RECK: variants seen among roughly 807,000 people sequenced by gnomAD.
RECK encodes reversion inducing cysteine rich protein with kazal motifs.
Under a neutral mutation model 115.1 loss-of-function variants are expected in RECK, and 69 were observed. The ratio of observed to expected loss-of-function variants is 0.60; its 90% CI spans 0.49 to 0.73. RECK has a LOEUF of 0.73. Among genes scored for constraint, RECK ranks in the 30% least tolerant of loss-of-function variants. The pLI is 0.00. For synonymous variants in RECK, 414 were observed against 419.7 expected (o/e 0.99, Z 0.17); for missense variants, 1,047 against 1,203.7 (o/e 0.87, Z 1.93).
intron 17 of RECK, among the ~76,000 whole-genome samples, chr9:36,117,665 A>G (rs1824312281): frequency 6.6e-6 from 1 of 152,190 alleles, no homozygotes; most frequent in African/African-American, 2.4e-5. Context: ...TTGTAGGTTT[A>G]TGGAATCTGC....
At chr9:36,039,371 A>T (rs1043024501) in intron 1 of RECK, among the ~76,000 whole-genome samples, 1 of 152,236 alleles carries the variant, frequency 6.6e-6, no homozygotes, top group African/African-American at 2.4e-5. Context: ...ATTTCAGTGA[A>T]GGCTTTGCTT....
intron 3 of RECK, among the ~76,000 whole-genome samples, chr9:36,059,293 T>C (rs1340199028): frequency 6.6e-6 from 1 of 151,898 alleles, no homozygotes; most frequent in Non-Finnish European, 1.5e-5. Context: ...CCGTCTCTAC[T>C]AAAAATACAA....
intron 7 of RECK, among the ~76,000 whole-genome samples, chr9:36,082,152 T>TCTCTCTCTCTCTC (rs1822728438): frequency 2.6e-5 from 3 of 113,712 alleles, no homozygotes; most frequent in Non-Finnish European, 3.6e-5. Context: ...CCTCCCTGCT[T>TCTCTCTCTCTCTC]TCTCTCTCTC....
chr9:36,060,546 G>A (rs1401903559), intron 4 of RECK, among the ~76,000 whole-genome samples: 2 of 151,988 alleles, frequency 1.3e-5, no homozygotes, highest in African/African-American at 4.8e-5. Flanking sequence ...CTAGATCTTC[G>A]GGCTCTTTCT....
intron 10 of RECK, among the ~76,000 whole-genome samples, chr9:36,093,297 C>A (rs1017534783): frequency 2.6e-5 from 4 of 151,944 alleles, no homozygotes; most frequent in African/African-American, 9.7e-5. Context: ...ATTATACAAT[C>A]AAAAATTACT....
At chr9:36,096,329 G>C (rs1367770855) in intron 10 of RECK, among the ~76,000 whole-genome samples, 1 of 151,916 alleles carries the variant, frequency 6.6e-6, no homozygotes, top group Non-Finnish European at 1.5e-5. Context: ...CTGACGTCAA[G>C]AGTTCAAGAC....
In RECK at chr9:36,058,886, T is replaced by C; in HGVS notation, c.219T>C (p.Tyr73=). ...LKHLLQRAPD[Y]CPETMVEIWN... ...ATCTGTTGCAGCGAGCCCCAGATTA[T>C]TGCCCAGAGACAATGGTAAGTCTTA... The change falls in exon 3 of 21, where the codon TAT becomes TAC. Residue 73 remains tyrosine (Y), a synonymous_variant. Transcript: ENST00000377966. 1 of 1,584,610 alleles carries C rather than the reference T, an allele frequency of 6.3e-7. No homozygotes were observed. Among genetic ancestry groups the C allele is most frequent in the South Asian group, 1.1e-5 (1 of 87,410 alleles).
rs149182852 is a variant in RECK, at chr9:36,083,610, G to A, written c.637+48G>A. 405 of 1,567,458 alleles carry A rather than the reference G, an allele frequency of 2.6e-4. 1 individual carries two copies. The highest frequency in any genetic ancestry group is 1.8e-3 in the Admixed American group (100 of 55,350). On this transcript the variant is annotated intron_variant, in intron 8 of 20. Coordinates refer to ENST00000377966, the MANE Select transcript of RECK (RefSeq NM_021111.3). ...TCTCATTTCAATCTTTGGTAAAATC[G>A]TTTGTAAAAAGAAGTGATACGTTCT...
chr9:36,115,764 T>C (rs1430041678), intron 16 of RECK, among the ~76,000 whole-genome samples: 1 of 152,212 alleles, frequency 6.6e-6, no homozygotes, highest in African/African-American at 2.4e-5. Context: ...TCCTTTGAAA[T>C]TAAAATAACA....
At chr9:36,076,874 T>C (rs1351895614) in intron 6 of RECK, among the ~76,000 whole-genome samples, 22 of 152,132 alleles carry the variant, frequency 1.4e-4, no homozygotes, top group Admixed American at 1.4e-3. Flanking sequence ...ATTGGCTGCA[T>C]TGAGAAAAAC....
intron 10 of RECK, among the ~76,000 whole-genome samples, chr9:36,092,342 G>C (rs901560470): frequency 1.7e-4 from 26 of 151,886 alleles, no homozygotes; most frequent in Non-Finnish European, 3.7e-4. Flanking sequence ...AGGTATTGGA[G>C]ACTGATCAAA....
At chr9:36,098,709 A>G (rs1018899226) in intron 10 of RECK, among the ~76,000 whole-genome samples, 1 of 152,218 alleles carries the variant, frequency 6.6e-6, no homozygotes, top group African/African-American at 2.4e-5. Context: ...CAAAACATCT[A>G]TCAGGAGAAT....
chr9:36,108,210 T>C (rs745439054), intron 14 of RECK, 46 bp downstream of exon 14: 2 of 1,399,850 alleles, frequency 1.4e-6, no homozygotes, highest in Admixed American at 4.4e-5. Flanking sequence ...GATTAGTTAT[T>C]TTTACTTTGT....
intron 1 of RECK, among the ~76,000 whole-genome samples, chr9:36,041,603 A>C (rs1820867872): frequency 6.6e-6 from 1 of 152,182 alleles, no homozygotes; most frequent in Non-Finnish European, 1.5e-5. Context: ...AGGGTAGGAA[A>C]TTCAGCACAT....
intron 13 of RECK, 68 bp from the exon 14 acceptor site, chr9:36,107,908 A>C: frequency 9.3e-7 from 1 of 1,076,162 alleles, no homozygotes; most frequent in South Asian, 1.6e-5. Flanking sequence ...TATCAAGTGT[A>C]TATCTAATGT....
intron 6 of RECK, chr9:36,072,891 G>A (rs999311177): frequency 6.6e-6 from 1 of 152,096 alleles, no homozygotes; most frequent in African/African-American, 2.4e-5. Context: ...GAAGTCACCT[G>A]AACGAGATGA....
At chr9:36,091,040 G>T (rs911846623) in intron 9 of RECK, 124 bp from the exon 10 acceptor site, 9 of 783,714 alleles carry the variant, frequency 1.1e-5, no homozygotes, top group African/African-American at 1.8e-5. Context: ...TAGTCATTTG[G>T]TTTTTTTACT....
chr9:36,053,820 A>C (rs549595446), intron 2 of RECK, among the ~76,000 whole-genome samples: 1 of 152,324 alleles, frequency 6.6e-6, no homozygotes, highest in Admixed American at 6.5e-5. Flanking sequence ...ATTGAATACT[A>C]TAGTCACCCT....
chr9:36,119,248 A>G (rs1824373689), intron 18 of RECK, among the ~76,000 whole-genome samples: 1 of 152,222 alleles, frequency 6.6e-6, no homozygotes, highest in Non-Finnish European at 1.5e-5. Flanking sequence ...GCAGTATTCA[A>G]TTATGAAAAT....
Sources: gnomAD v4.1 joint callset for allele counts (sites outside exome capture counted in the v4.1 genomes callset) on GRCh38, gnomAD v4.1.1 for gene constraint, MANE v1.5 for transcripts, NCBI Gene and HGNC (gene_info 2026-07-23, HGNC 2026-07-21) for gene names.